Variants in PIBF1 observed in about 807,000 individuals in gnomAD.
PIBF1 encodes the protein progesterone immunomodulatory binding factor 1.
PIBF1 carries 90 observed loss-of-function variants against 112.5 expected under a neutral mutation model. The ratio of observed to expected loss-of-function variants is 0.80; its 90% CI spans 0.67 to 0.95. The LOEUF (loss-of-function observed/expected upper bound fraction) is 0.95. Among genes scored for constraint, PIBF1 ranks in the 40% least tolerant of loss-of-function variants. The pLI, the probability that PIBF1 is intolerant of heterozygous loss-of-function variation, is 0.00. For missense variants in PIBF1, 915 were observed against 852.3 expected, an observed-to-expected ratio of 1.07 and a Z score of -0.92; for synonymous variants, 301 against 288.6, an observed-to-expected ratio of 1.04 and a Z score of -0.44.
chr13:72,864,521 AAAGT>A (rs1000657378), intron 10 of PIBF1, among the ~76,000 whole-genome samples: 9 of 152,082 alleles, frequency 5.9e-5, no homozygotes, highest in Admixed American at 3.3e-4. Flanking sequence ...AAAACCAGAG[AAAGT>A]AAGAGTGAGT....
chr13:72,827,235 T>TA (rs1205766571), intron 7 of PIBF1, 117 bp downstream of exon 7: 1 of 324,300 alleles, frequency 3.1e-6, no homozygotes, highest in East Asian at 5.2e-5. Flanking sequence ...CCCAAAAAGA[T>TA]AAATTTTTTT....
At chr13:72,813,954 G>T (rs1174948524) in intron 5 of PIBF1, among the ~76,000 whole-genome samples, 2 of 152,062 alleles carry the variant, frequency 1.3e-5, no homozygotes, top group African/African-American at 4.8e-5. Flanking sequence ...GCAGAGCTCG[G>T]CCTATAAAAA....
intron 11 of PIBF1, among the ~76,000 whole-genome samples, chr13:72,894,989 T>A (rs1035174998): frequency 6.6e-6 from 1 of 150,750 alleles, no homozygotes; most frequent in Non-Finnish European, 1.5e-5. Context: ...TTAGGTGTGG[T>A]GGCATGCACC....
At position 72,870,821 on chromosome 13, in the gene PIBF1, G is replaced by T. The variant is rs368711307; in HGVS notation, c.1322+16666G>T. Among the ~76,000 whole-genome samples the T allele has an allele frequency of 1.2e-3, 144 of 123,770 alleles. 1 individual carries two copies. The highest frequency in any genetic ancestry group is 4.0e-3 in the African/African-American group (132 of 32,708). 81.2% of individuals were successfully genotyped at this position (123,770 alleles called of 152,430 possible). On this transcript the variant is annotated intron_variant, in intron 10 of 17. Transcript: ENST00000326291. ...AAACCTAAATATAGAAGAAACAAAA[G>T]AATTTTCAAAAAAAAAAAAAACAGA...
At chr13:72,814,252 A>G (rs2036159710) in intron 5 of PIBF1, among the ~76,000 whole-genome samples, 1 of 152,112 alleles carries the variant, frequency 6.6e-6, no homozygotes, top group Admixed American at 6.6e-5. Flanking sequence ...AGCATGGCCA[A>G]CATGGTGAAC....
At chr13:72,869,822 T>C (rs117239633) in intron 10 of PIBF1, among the ~76,000 whole-genome samples, 4,083 of 150,852 alleles carry the variant, frequency 0.027, 74 homozygotes, top group Non-Finnish European at 0.041. Context: ...CACACACACA[T>C]ATATATATAT....
At chr13:72,994,081 A>G (rs2043566979) in intron 16 of PIBF1, among the ~76,000 whole-genome samples, 1 of 151,512 alleles carries the variant, frequency 6.6e-6, no homozygotes, top group Admixed American at 6.6e-5. Context: ...CCACCGCACT[A>G]CAGCCTGAGC....
intron 10 of PIBF1, among the ~76,000 whole-genome samples, chr13:72,863,216 A>T (rs2038771231): frequency 6.6e-6 from 1 of 152,148 alleles, no homozygotes; most frequent in Non-Finnish European, 1.5e-5. Context: ...CCAAAGAAGT[A>T]AAAAAACAGA....
Position 72,795,345 on chromosome 13 carries a change from C to A in PIBF1, c.354-14C>A, listed in dbSNP as rs2035138498. 2 of 1,502,146 alleles carry A rather than the reference C, an allele frequency of 1.3e-6. No individual in the cohort carries two copies. The highest frequency in any genetic ancestry group is 1.4e-5 in the African/African-American group (1 of 71,278). The allele number at this position is 1,502,146 out of a possible 1,614,324, so 93.1% of individuals were successfully genotyped here. A position where few individuals can be genotyped will look rare whatever the true frequency, so the allele number is the denominator to read the frequency against. On this transcript the variant is annotated splice_polypyrimidine_tract_variant and intron_variant, in intron 3 of 17. Coordinates refer to ENST00000326291, the MANE Select transcript of PIBF1 (RefSeq NM_006346.4). ...ACTTTTTTAAAGCCTGCCATAAATT[C>A]TCTTCTAATGTAGCAAATATCAAGA...
At chr13:72,865,295 T>A (rs1401551974) in intron 10 of PIBF1, among the ~76,000 whole-genome samples, 2 of 152,202 alleles carry the variant, frequency 1.3e-5, no homozygotes, top group Non-Finnish European at 2.9e-5. Flanking sequence ...TAGTATGTTT[T>A]CTGTAAGCCA....
chr13:72,920,455 A>G (rs1204352643), intron 13 of PIBF1, among the ~76,000 whole-genome samples: 2 of 152,230 alleles, frequency 1.3e-5, no homozygotes, highest in African/African-American at 2.4e-5. Context: ...GATCAATGGC[A>G]CTAAAGATCC....
intron 3 of PIBF1, among the ~76,000 whole-genome samples, chr13:72,794,266 A>G (rs1253339571): frequency 2.0e-5 from 3 of 152,164 alleles, no homozygotes; most frequent in South Asian, 2.1e-4. Flanking sequence ...TATGATCGCC[A>G]TGGGTTTAAG....
intron 10 of PIBF1, among the ~76,000 whole-genome samples, chr13:72,878,117 T>C (rs2039484838): frequency 6.8e-6 from 1 of 147,006 alleles, no homozygotes; most frequent in Non-Finnish European, 1.5e-5. Context: ...ACTGGTTTTA[T>C]TGATTTTTTT....
intron 12 of PIBF1, 32 bp downstream of exon 12, chr13:72,908,713 T>G: frequency 7.2e-7 from 1 of 1,389,110 alleles, no homozygotes; most frequent in Non-Finnish European, 9.7e-7. Context: ...CATGCACAAC[T>G]TTTTTTTTTC....
chr13:72,850,242 C>T (rs967530689), intron 9 of PIBF1, among the ~76,000 whole-genome samples: 5 of 152,152 alleles, frequency 3.3e-5, no homozygotes, highest in Non-Finnish European at 5.9e-5. Context: ...GGTCCATTCC[C>T]CAGTTCATTT....
At chr13:72,795,620 T>C in intron 4 of PIBF1, 63 bp downstream of exon 4, 1 of 1,013,772 alleles carries the variant, frequency 9.9e-7, no homozygotes, top group East Asian at 2.5e-5. Flanking sequence ...TTACCATTTA[T>C]ATAGTAGCAA....
chr13:72,963,120 A>T (rs1438629585), intron 14 of PIBF1, among the ~76,000 whole-genome samples: 1 of 152,188 alleles, frequency 6.6e-6, no homozygotes, highest in Non-Finnish European at 1.5e-5. Flanking sequence ...CTTACACCAT[A>T]TTCAAAAGCT....
At position 72,927,767 on chromosome 13, in the gene PIBF1, A is replaced by G. The variant is rs372245432; in HGVS notation, c.1731-3398A>G. Among the ~76,000 whole-genome samples, 4 of 150,882 alleles carry G rather than the reference A, an allele frequency of 2.7e-5. No individual in the cohort carries two copies. The South Asian group carries it at 8.3e-4, about 31-fold the overall frequency. On this transcript the variant is annotated intron_variant, in intron 13 of 17. Coordinates refer to ENST00000326291, the MANE Select transcript of PIBF1 (RefSeq NM_006346.4). ...TTATATTTCTTTTCATTAAATCTTA[A>G]TATAATCTCTTATATCCTTAATAAT...
intron 11 of PIBF1, among the ~76,000 whole-genome samples, chr13:72,903,086 C>T (rs888514777): frequency 6.6e-6 from 1 of 151,660 alleles, no homozygotes; most frequent in Non-Finnish European, 1.5e-5. Flanking sequence ...TTCGTAGAGA[C>T]GAGGTTTCAC....
Sources: allele counts gnomAD v4.1 joint callset (sites outside exome capture counted in the v4.1 genomes callset), GRCh38; gene constraint gnomAD v4.1.1; transcripts MANE v1.5; gene names NCBI Gene and HGNC (gene_info 2026-07-23, HGNC 2026-07-21).